ADCY9: variants seen among roughly 807,000 people sequenced by gnomAD.
ADCY9 encodes the protein adenylate cyclase type 9.
In ADCY9, 50 loss-of-function variants were observed where a neutral mutation model predicts 101.5. The observed-to-expected ratio is 0.49, with a 90% CI of 0.39 to 0.62. The LOEUF (loss-of-function observed/expected upper bound fraction) is 0.62. Among genes scored for constraint, ADCY9 ranks in the 20% least tolerant of loss-of-function variants. The pLI is 0.00. For missense variants in ADCY9, 1,662 were observed against 1,800.4 expected (o/e 0.92, Z 1.39); for synonymous variants, 905 against 769.3 (o/e 1.18, Z -2.92).
In ADCY9 at chr16:4,084,150, C is replaced by T. The variant is rs184567988; in HGVS notation, c.1693+29600G>A. Among the ~76,000 whole-genome samples the T allele has an allele frequency of 4.9e-3, 746 of 152,176 alleles. 20 individuals carry two copies. The highest frequency in any genetic ancestry group is 2.0e-3 in the Non-Finnish European group (135 of 67,996). On this transcript the variant is annotated intron_variant, in intron 2 of 10. Coordinates refer to ENST00000294016, the MANE Select transcript of ADCY9 (RefSeq NM_001116.4). ...TTTTTGACACAGGGTCTCACCCTGT[C>T]ACCCAGGCTGGAATGCAGTGGCACA...
chr16:3,995,551 A>G (rs1169238651), intron 3 of ADCY9, among the ~76,000 whole-genome samples: 2 of 152,206 alleles, frequency 1.3e-5, no homozygotes, highest in African/African-American at 2.4e-5. Flanking sequence ...GAACCATCTA[A>G]GAAAGCAACT....
At chr16:3,968,054 G>A (rs777800501) in intron 10 of ADCY9, among the ~76,000 whole-genome samples, 1 of 152,022 alleles carries the variant, frequency 6.6e-6, no homozygotes, top group Non-Finnish European at 1.5e-5. Context: ...AAATATTTCA[G>A]CATGTATCTC....
chr16:4,099,823 A>T (rs941907926), intron 2 of ADCY9, among the ~76,000 whole-genome samples: 1 of 152,232 alleles, frequency 6.6e-6, no homozygotes, highest in Non-Finnish European at 1.5e-5. Context: ...AGGCCAAGGC[A>T]GGAGGATGGC....
intron 2 of ADCY9, among the ~76,000 whole-genome samples, chr16:4,110,024 T>C (rs779696467): frequency 1.3e-5 from 2 of 152,006 alleles, no homozygotes; most frequent in African/African-American, 2.4e-5. Context: ...CCTGGTGCTC[T>C]TCTGTCCACC....
At chr16:4,016,493 C>A (rs1054798639) in intron 2 of ADCY9, among the ~76,000 whole-genome samples, 4 of 152,242 alleles carry the variant, frequency 2.6e-5, no homozygotes, top group Admixed American at 6.5e-5. Flanking sequence ...GGACGGGGGT[C>A]CCAGACCGTG....
intron 2 of ADCY9, among the ~76,000 whole-genome samples, chr16:4,108,360 A>ATTTTCTTTTTTTTTT (rs2057091365): frequency 1.9e-5 from 1 of 53,712 alleles, no homozygotes; most frequent in Non-Finnish European, 3.2e-5. Flanking sequence ...CCGTTTCTTC[A>ATTTTCTTTTTTTTTT]TTTTTTTTTT....
intron 2 of ADCY9, among the ~76,000 whole-genome samples, chr16:4,078,514 C>T (rs1001501624): frequency 3.4e-5 from 5 of 146,416 alleles, no homozygotes; most frequent in African/African-American, 7.5e-5. Context: ...AGTGAGATCA[C>T]GCCACTGCAC....
chr16:4,102,267 C>T (rs1014265234), intron 2 of ADCY9, among the ~76,000 whole-genome samples: 1 of 152,070 alleles, frequency 6.6e-6, no homozygotes, highest in Non-Finnish European at 1.5e-5. Context: ...TAAATTGCAG[C>T]GCCCCTAGGT....
At chr16:4,046,211 C>T (rs911783255) in intron 2 of ADCY9, among the ~76,000 whole-genome samples, 6 of 152,098 alleles carry the variant, frequency 3.9e-5, no homozygotes, top group African/African-American at 1.4e-4. Flanking sequence ...TGTCCGGAGT[C>T]GCAGAAGCAA....
intron 2 of ADCY9, among the ~76,000 whole-genome samples, chr16:4,087,543 T>TAAAAAAAAAAAAAAA (rs55706713): frequency 8.5e-6 from 1 of 118,192 alleles, no homozygotes. Flanking sequence ...CTCAAAAAGA[T>TAAAAAAAAAAAAAAA]AAAAAAAAAA....
chr16:4,097,551 A>ATTT lies in ADCY9; in HGVS notation c.1693+16198_1693+16199insAAA, dbSNP rs1385822000. On this transcript the variant is annotated intron_variant, in intron 2 of 10. Coordinates refer to ENST00000294016, the MANE Select transcript of ADCY9 (RefSeq NM_001116.4). ...TACATATATATATATATATATATATATATTTTTTTTTTTTTTTTTTAAGAC... is the reference window on the plus strand; with the variant it reads ...TACATATATATATATATATATATATATTTTATTTTTTTTTTTTTTTTTTAAGAC... Among the ~76,000 whole-genome samples the ATTT allele has an allele frequency of 7.9e-3, 405 of 50,974 alleles. 13 individuals are homozygous for ATTT. The highest frequency in any genetic ancestry group is 0.029 in the African/African-American group (267 of 9,202). 33.4% of individuals were successfully genotyped at this position (50,974 alleles called of 152,430 possible).
At chr16:4,001,630 C>G (rs1352072718) in intron 3 of ADCY9, among the ~76,000 whole-genome samples, 2 of 152,158 alleles carry the variant, frequency 1.3e-5, no homozygotes, top group African/African-American at 4.8e-5. Context: ...CTCACTGCAG[C>G]CTCTGCCTCC....
rs1555504577 is a variant in ADCY9, at chr16:3,956,488, C to CTTTTTTTTTT, written c.568-2982_568-2973dup. ...AAGGACAAGACACCAGCGCAATGAG[C>CTTTTTTTTTT]TTTTTTTTTTTTTTTGGGGGGGGAT... On this transcript the variant is annotated intron_variant, in intron 5 of 5. Transcript: ENST00000576936. 7.7e-3 allele frequency among the ~76,000 whole-genome samples: 526 copies of CTTTTTTTTTT among 68,732 alleles called. 73 individuals carry two copies. The highest frequency in any genetic ancestry group is 0.034 in the Middle Eastern group (3 of 88). 45.1% of individuals were successfully genotyped at this position (68,732 alleles called of 152,430 possible).
At chr16:3,989,180 C>T (rs1008931896) in intron 5 of ADCY9, 84 bp from the exon 6 acceptor site, 31 of 1,029,846 alleles carry the variant, frequency 3.0e-5, no homozygotes, top group East Asian at 4.8e-5. Flanking sequence ...GCTACCAAAA[C>T]GCTGCTCATT....
At chr16:4,017,796 T>G (rs2056448022) in intron 2 of ADCY9, among the ~76,000 whole-genome samples, 1 of 152,104 alleles carries the variant, frequency 6.6e-6, no homozygotes, top group Non-Finnish European at 1.5e-5. Context: ...AAAAGAAAAT[T>G]TGACCTTCAT....
chr16:3,977,428 C>T, intron 9 of ADCY9, 54 bp downstream of exon 9: 1 of 1,530,374 alleles, frequency 6.5e-7, no homozygotes, highest in Non-Finnish European at 8.8e-7. Context: ...CCTACGCAAC[C>T]TCGGGCAAGG....
At chr16:4,078,399 C>A (rs79097931) in intron 2 of ADCY9, among the ~76,000 whole-genome samples, 2,004 of 151,790 alleles carry the variant, frequency 0.013, 33 homozygotes, top group African/African-American at 0.045. Flanking sequence ...TCCATCTCTA[C>A]AAAATACTTA....
chr16:4,043,507 C>T (rs1271563899), intron 2 of ADCY9, among the ~76,000 whole-genome samples: 1 of 151,680 alleles, frequency 6.6e-6, no homozygotes, highest in Admixed American at 6.6e-5. Context: ...AACCCCATCT[C>T]TACTAAAAAT....
rs376170586 is a variant in ADCY9 at position 3,983,222 on chromosome 16, C to A, written c.2519+10G>T. ...CTCAGAGCTGGAGACCCAGTCCACGCGGCGCTTACCTGATGGACACCGCGA... is the reference window on the plus strand; with the variant it reads ...CTCAGAGCTGGAGACCCAGTCCACGAGGCGCTTACCTGATGGACACCGCGA... On this transcript the variant is annotated intron_variant, in intron 7 of 10. Transcript: ENST00000294016. 1 of 1,545,464 alleles carries A rather than the reference C, an allele frequency of 6.5e-7. No individual in the cohort carries two copies. The highest frequency in any genetic ancestry group is 8.7e-7 in the Non-Finnish European group (1 of 1,144,278).
Sources: allele counts gnomAD v4.1 joint callset (sites outside exome capture counted in the v4.1 genomes callset), GRCh38; gene constraint gnomAD v4.1.1; transcripts MANE v1.5; gene names NCBI Gene and HGNC (gene_info 2026-07-23, HGNC 2026-07-21).